Variants in DSCAML1 observed in about 807,000 individuals in gnomAD.
DSCAML1 encodes cell adhesion molecule DSCAML1.
A neutral mutation model predicts 200.5 loss-of-function variants in DSCAML1; 38 were observed. That is an observed-to-expected ratio of 0.19 (90% CI 0.15 to 0.25). The LOEUF (loss-of-function observed/expected upper bound fraction) is 0.25, where lower values mean the gene tolerates loss of function less well. DSCAML1 is among the 10% of genes least tolerant of loss of function. DSCAML1 has a pLI of 1.00. For synonymous variants in DSCAML1, 1,215 were observed against 1,165.0 expected, an observed-to-expected ratio of 1.04 and a Z score of -0.87; for missense variants, 2,223 against 2,858.8, an observed-to-expected ratio of 0.78 and a Z score of 5.07.
chr11:117,695,953 A>C (rs763142589), intron 3 of DSCAML1, among the ~76,000 whole-genome samples: 2 of 152,214 alleles, frequency 1.3e-5, no homozygotes, highest in Non-Finnish European at 2.9e-5. Context: ...GCAGCTCAAT[A>C]AATGTCAGCA....
At chr11:117,629,553 C>T (rs1202224794) in intron 3 of DSCAML1, among the ~76,000 whole-genome samples, 1 of 147,850 alleles carries the variant, frequency 6.8e-6, no homozygotes, top group Non-Finnish European at 1.5e-5. Context: ...ACTAAGACAA[C>T]CGGGCAGAGA....
At chr11:117,551,715 C>T (rs1270758499) in intron 3 of DSCAML1, among the ~76,000 whole-genome samples, 1 of 152,074 alleles carries the variant, frequency 6.6e-6, no homozygotes, top group African/African-American at 2.4e-5. Context: ...CTGGAGGGGA[C>T]AGCAGCTGAC....
rs143899271 is a variant in DSCAML1, at chr11:117,462,474, A to G, written c.3266-878T>C. Among the ~76,000 whole-genome samples, 1,206 of 152,346 alleles carry G rather than the reference A, an allele frequency of 7.9e-3. 20 individuals are homozygous for G. The highest frequency in any genetic ancestry group is 0.027 in the African/African-American group (1,111 of 41,580). ...ATCCGAGGGCCAGGGACAAAGCGCAAGACGGAGTCTGCTTCGCTCCGAGTG... is the reference window on the plus strand; with the variant it reads ...ATCCGAGGGCCAGGGACAAAGCGCAGGACGGAGTCTGCTTCGCTCCGAGTG... On this transcript the variant is annotated intron_variant, in intron 17 of 32. Transcript: ENST00000651296.
chr11:117,488,205 G>A (rs936496152), intron 11 of DSCAML1, among the ~76,000 whole-genome samples: 1 of 152,178 alleles, frequency 6.6e-6, no homozygotes, highest in Non-Finnish European at 1.5e-5. Flanking sequence ...CAAGGACCAC[G>A]GTGTCCTCCT....
chr11:117,809,906 C>T (rs903306581), intron 1 of DSCAML1, among the ~76,000 whole-genome samples: 2 of 135,312 alleles, frequency 1.5e-5, no homozygotes, highest in South Asian at 2.2e-4. Context: ...CACACACTCA[C>T]ACACACATTC....
intron 3 of DSCAML1, among the ~76,000 whole-genome samples, chr11:117,721,812 T>TATA (rs1491210661): frequency 7.5e-5 from 9 of 120,794 alleles, no homozygotes; most frequent in South Asian, 5.3e-4. Context: ...TATATATATA[T>TATA]TTTTTTTTTT....
chr11:117,442,439 CTG>C lies in DSCAML1; in HGVS notation c.3862+1445_3862+1446del, dbSNP rs372531840. 3.5e-3 allele frequency among the ~76,000 whole-genome samples: 525 copies of C among 150,654 alleles called. 4 individuals carry two copies. The highest frequency in any genetic ancestry group is 0.012 in the African/African-American group (508 of 40,794). ...TATGTGCGTAAATGTATGTGTGGGT[CTG>C]TGTGTATAAGTGTGTGCGCGTGCAT... On this transcript the variant is annotated intron_variant, in intron 21 of 32. Coordinates refer to ENST00000651296, the MANE Select transcript of DSCAML1 (RefSeq NM_020693.4).
chr11:117,512,761 T>TCACACACACACACACA (rs71037482), intron 8 of DSCAML1, among the ~76,000 whole-genome samples: 5 of 113,090 alleles, frequency 4.4e-5, no homozygotes, highest in African/African-American at 1.8e-4. Context: ...TCCTCTAGGA[T>TCACACACACACACACA]CACACACACA....
intron 3 of DSCAML1, among the ~76,000 whole-genome samples, chr11:117,684,452 A>AAAG (rs2053369081): frequency 6.9e-6 from 1 of 144,648 alleles, no homozygotes; most frequent in African/African-American, 2.7e-5. Context: ...AAAAAAAAAA[A>AAAG]AAAAAAAAGA....
At chr11:117,610,577 G>A (rs2051668871) in intron 3 of DSCAML1, among the ~76,000 whole-genome samples, 1 of 151,874 alleles carries the variant, frequency 6.6e-6, no homozygotes, top group Non-Finnish European at 1.5e-5. Flanking sequence ...ATGGAGGTAT[G>A]GGATCTTCAG....
At chr11:117,478,737 G>C (rs543321222) in intron 14 of DSCAML1, among the ~76,000 whole-genome samples, 1 of 152,194 alleles carries the variant, frequency 6.6e-6, no homozygotes, top group Non-Finnish European at 1.5e-5. Context: ...TTCCTGGTGT[G>C]CATTGCACCC....
At chr11:117,619,689 CA>C (rs146628766) in intron 3 of DSCAML1, among the ~76,000 whole-genome samples, 2,892 of 152,102 alleles carry the variant, frequency 0.019, 43 homozygotes, top group Non-Finnish European at 0.031. Flanking sequence ...AAAATGGTTA[CA>C]TTTTGGGAAA....
At chr11:117,607,980 G>T (rs968133316) in intron 3 of DSCAML1, among the ~76,000 whole-genome samples, 1 of 152,220 alleles carries the variant, frequency 6.6e-6, no homozygotes. Context: ...TTTACGTGAT[G>T]AGCTTGAGAC....
intron 3 of DSCAML1, among the ~76,000 whole-genome samples, chr11:117,670,123 A>G (rs2053073123): frequency 6.6e-6 from 1 of 152,182 alleles, no homozygotes; most frequent in Non-Finnish European, 1.5e-5. Context: ...CACTGTGTAT[A>G]CCTCACAGTA....
intron 3 of DSCAML1, among the ~76,000 whole-genome samples, chr11:117,690,424 C>T (rs188496797): frequency 3.9e-5 from 6 of 152,368 alleles, no homozygotes; most frequent in South Asian, 4.1e-4. Flanking sequence ...GAGGCACCCA[C>T]GGGTCTCCAA....
intron 19 of DSCAML1, among the ~76,000 whole-genome samples, chr11:117,453,523 T>A (rs1345216207): frequency 1.3e-5 from 2 of 152,212 alleles, no homozygotes; most frequent in Non-Finnish European, 2.9e-5. Context: ...TATAATATCA[T>A]AGGTTGGTAA....
chr11:117,443,952 C>T lies in DSCAML1; in HGVS notation c.3796G>A (p.Ala1266Thr). Reference protein sequence around the residue: ...NRGQQYLLWVAAVTSAGRGNS... With the variant: ...NRGQQYLLWVTAVTSAGRGNS... The stretch of plus-strand genomic sequence containing the variant: ...CCCCGGCCGGCAGAGGTGACGGCGG[C>T]CACCCACAGCAGATACTGCTGACCG... The change falls in exon 21 of 33, where the codon GCC becomes ACC. Residue 1266 changes from alanine (A) to threonine (T), a missense_variant. Around this residue, in one of 7 missense-constraint regions of DSCAML1, gnomAD observed 614 missense variants for 739.1 expected, o/e 0.83. Coordinates refer to ENST00000651296, the MANE Select transcript of DSCAML1 (RefSeq NM_020693.4). 1 of 1,613,454 alleles carries T rather than the reference C, an allele frequency of 6.2e-7. No homozygotes were observed. The highest frequency in any genetic ancestry group is 1.1e-5 in the South Asian group (1 of 91,068).
chr11:117,681,183 C>G (rs1373555751), intron 3 of DSCAML1, among the ~76,000 whole-genome samples: 1 of 152,220 alleles, frequency 6.6e-6, no homozygotes, highest in Non-Finnish European at 1.5e-5. Context: ...CCCAGCAAAC[C>G]CCTTTGTGAA....
chr11:117,716,670 C>T (rs2053956744), intron 3 of DSCAML1, among the ~76,000 whole-genome samples: 1 of 152,120 alleles, frequency 6.6e-6, no homozygotes. Context: ...TTTGTTACAA[C>T]CTGAGAGCTA....
Sources: gnomAD v4.1 joint callset for allele counts (sites outside exome capture counted in the v4.1 genomes callset) on GRCh38, gnomAD v4.1.1 for gene constraint, gnomAD v4.1.1 regional missense constraint, MANE v1.5 for transcripts, NCBI Gene and HGNC (gene_info 2026-07-23, HGNC 2026-07-21) for gene names.